Variants in PHF24 observed in about 807,000 individuals in gnomAD.
The protein encoded by PHF24 is PHD finger protein 24, also known as Galpha inhibitory interacting protein.
PHF24 carries 25 observed loss-of-function variants against 42.6 expected under a neutral mutation model. The ratio of observed to expected loss-of-function variants is 0.59; its 90% CI spans 0.43 to 0.82. The LOEUF (loss-of-function observed/expected upper bound fraction) is 0.82, where lower values mean the gene tolerates loss of function less well. Ranked by LOEUF, PHF24 falls within the 40% of genes least tolerant of loss-of-function variation. The probability of loss-of-function intolerance (pLI) is 0.00; values close to 1 mark genes in which losing one functional copy is unlikely to be tolerated. For synonymous variants in PHF24, 185 were observed against 204.8 expected (o/e 0.90, Z 0.83); for missense variants, 470 against 538.1 (o/e 0.87, Z 1.25).
chr9:34,703,044 C>T, the PHF24 span, among the ~76,000 whole-genome samples: 2 of 152,132 alleles, frequency 1.3e-5, no homozygotes, highest in African/African-American at 4.8e-5. Flanking sequence ...CACAGGTAAG[C>T]GATTATAGCT....
chr9:34,937,042 C>CTG, the PHF24 span, among the ~76,000 whole-genome samples: 3 of 126,428 alleles, frequency 2.4e-5, no homozygotes, highest in African/African-American at 8.4e-5. Flanking sequence ...CAGCCCCCCC[C>CTG]CCGGGCCAGC....
At chr9:34,694,327 G>A in the PHF24 span, among the ~76,000 whole-genome samples, 4 of 150,824 alleles carry the variant, frequency 2.7e-5, no homozygotes, top group Admixed American at 6.6e-5. Context: ...GCACCACCAC[G>A]CTTGGCTAAT....
chr9:34,714,125 T>C, the PHF24 span, among the ~76,000 whole-genome samples: 1 of 152,120 alleles, frequency 6.6e-6, no homozygotes, highest in Admixed American at 6.5e-5. Flanking sequence ...TCTGAGGTTT[T>C]CAGACTCAAG....
chr9:34,676,297 G>T, the PHF24 span, among the ~76,000 whole-genome samples: 3 of 152,212 alleles, frequency 2.0e-5, no homozygotes, highest in African/African-American at 7.2e-5. Flanking sequence ...GCCAAGGCAG[G>T]TGGATCACTT....
the PHF24 span, among the ~76,000 whole-genome samples, chr9:34,864,227 G>A: frequency 6.6e-6 from 1 of 152,178 alleles, no homozygotes; most frequent in Non-Finnish European, 1.5e-5. Flanking sequence ...GGGGTGGAAG[G>A]TTTATTCAAA....
chr9:34,909,978 AT>A, the PHF24 span, among the ~76,000 whole-genome samples: 1 of 152,128 alleles, frequency 6.6e-6, no homozygotes, highest in African/African-American at 2.4e-5. Flanking sequence ...AGATGGAGTG[AT>A]TGTTTTGTTT....
the PHF24 span, among the ~76,000 whole-genome samples, chr9:34,668,706 A>T: frequency 6.6e-6 from 1 of 152,162 alleles, no homozygotes; most frequent in Admixed American, 6.5e-5. Flanking sequence ...TACCTCCCTC[A>T]CAATTTGTCC....
At chr9:34,967,425 CAT>C (rs946849082) in intron 1 of PHF24, among the ~76,000 whole-genome samples, 3 of 152,196 alleles carry the variant, frequency 2.0e-5, no homozygotes, top group East Asian at 1.9e-4. Context: ...TCTATAAACA[CAT>C]GTGTCTACAG....
chr9:34,910,986 C>A, the PHF24 span, among the ~76,000 whole-genome samples: 1 of 152,004 alleles, frequency 6.6e-6, no homozygotes, highest in Non-Finnish European at 1.5e-5. Context: ...TCACACCTGA[C>A]TAATTTTTTT....
At chr9:34,679,291 C>T in the PHF24 span, among the ~76,000 whole-genome samples, 44 of 152,358 alleles carry the variant, frequency 2.9e-4, 1 homozygote, top group East Asian at 6.9e-3. Context: ...ACATTTCCAG[C>T]ATGCTTGCTT....
chr9:34,748,090 C>T, the PHF24 span, among the ~76,000 whole-genome samples: 1 of 151,954 alleles, frequency 6.6e-6, no homozygotes, highest in Non-Finnish European at 1.5e-5. Flanking sequence ...ATAGAAATTA[C>T]CTTTGGGGAG....
At chr9:34,919,716 A>G in the PHF24 span, among the ~76,000 whole-genome samples, 8 of 151,860 alleles carry the variant, frequency 5.3e-5, no homozygotes, top group South Asian at 2.1e-4. Context: ...ACACATCCCA[A>G]CCCCTGGTAA....
At chr9:34,723,351 C>A in the PHF24 span, 5 of 1,551,650 alleles carry the variant, frequency 3.2e-6, no homozygotes, top group Non-Finnish European at 3.5e-6. Flanking sequence ...CGGAGCTTAT[C>A]GTCTAGGGAT....
chr9:34,710,180 T>C, the PHF24 span: 1 of 790,108 alleles, frequency 1.3e-6, no homozygotes, highest in African/African-American at 1.7e-5. Flanking sequence ...CTAGACACTT[T>C]CACTTCCCTT....
chr9:34,716,674 C>T, the PHF24 span, among the ~76,000 whole-genome samples: 1 of 152,210 alleles, frequency 6.6e-6, no homozygotes. Flanking sequence ...ACAGCAACCT[C>T]AGCTTCCCAG....
intron 1 of PHF24, among the ~76,000 whole-genome samples, chr9:34,963,422 A>G (rs1203053761): frequency 1.3e-5 from 2 of 152,116 alleles, no homozygotes; most frequent in African/African-American, 2.4e-5. Flanking sequence ...TGTTAGGCAT[A>G]TGGCTTTTCC....
At chr9:34,896,752 T>TAAC in the PHF24 span, among the ~76,000 whole-genome samples, 1 of 152,156 alleles carries the variant, frequency 6.6e-6, no homozygotes, top group African/African-American at 2.4e-5. Context: ...ACATTAATGT[T>TAAC]AACTTCATGA....
chr9:34,835,984 C>T, the PHF24 span: 1 of 698,410 alleles, frequency 1.4e-6, no homozygotes, highest in South Asian at 1.5e-5. Context: ...CATAGCATTG[C>T]AAATTTGGCA....
At chr9:34,818,073 G>A in the PHF24 span, among the ~76,000 whole-genome samples, 1 of 152,106 alleles carries the variant, frequency 6.6e-6, no homozygotes, top group African/African-American at 2.4e-5. Context: ...AAACTCACTA[G>A]TTCTGCTATC....
Sources: gnomAD v4.1 joint callset for allele counts (sites outside exome capture counted in the v4.1 genomes callset) on GRCh38, gnomAD v4.1.1 for gene constraint, MANE v1.5 for transcripts, NCBI Gene and HGNC (gene_info 2026-07-23, HGNC 2026-07-21) for gene names.